The following PREX2 variants were observed in gnomAD, a reference collection of about 807,000 sequenced individuals.
PREX2 encodes the protein phosphatidylinositol 3,4,5-trisphosphate-dependent Rac exchanger 2 protein.
A neutral mutation model predicts 203.2 loss-of-function variants in PREX2; 107 were observed. The ratio of observed to expected loss-of-function variants is 0.53; its 90% CI spans 0.45 to 0.62. The LOEUF (loss-of-function observed/expected upper bound fraction) is 0.62. PREX2 is among the 20% of genes least tolerant of loss of function. The pLI, the probability that PREX2 is intolerant of heterozygous loss-of-function variation, is 0.00. For synonymous variants in PREX2, 672 were observed against 663.6 expected (o/e 1.01, Z -0.19); for missense variants, 1,777 against 1,955.9 (o/e 0.91, Z 1.72).
intron 7 of PREX2, among the ~76,000 whole-genome samples, chr8:68,044,268 A>C (rs1400281575): frequency 6.6e-6 from 1 of 152,088 alleles, no homozygotes; most frequent in Admixed American, 6.6e-5. Flanking sequence ...TTAAAACTTG[A>C]ATTTATTTTT....
At chr8:67,983,966 T>A (rs1331330108) in intron 1 of PREX2, among the ~76,000 whole-genome samples, 1 of 152,182 alleles carries the variant, frequency 6.6e-6, no homozygotes, top group Non-Finnish European at 1.5e-5. Context: ...CACATAGTAG[T>A]GCACATCAAT....
chr8:68,006,301 G>A (rs1250780118), intron 1 of PREX2, among the ~76,000 whole-genome samples: 1 of 152,168 alleles, frequency 6.6e-6, no homozygotes, highest in Non-Finnish European at 1.5e-5. Context: ...CCGCTGAGAT[G>A]CAGTATAACC....
intron 20 of PREX2, 147 bp from the exon 21 acceptor site, chr8:68,093,458 A>T (rs1009540103): frequency 2.2e-6 from 1 of 455,522 alleles, no homozygotes; most frequent in Non-Finnish European, 4.1e-6. Context: ...TTGAGTTTTT[A>T]TTAGTTTCTG....
intron 35 of PREX2, among the ~76,000 whole-genome samples, chr8:68,165,959 G>GTTT (rs1471567937): frequency 6.6e-6 from 1 of 152,208 alleles, no homozygotes; most frequent in African/African-American, 2.4e-5. Context: ...TATCTGCAAT[G>GTTT]TTTTAAAGCA....
intron 1 of PREX2, among the ~76,000 whole-genome samples, chr8:67,990,795 G>T (rs1030225451): frequency 2.0e-5 from 3 of 152,012 alleles, no homozygotes; most frequent in Non-Finnish European, 4.4e-5. Context: ...ACAGGCGTGA[G>T]CCACCGTGCC....
chr8:68,208,313 G>A (rs1812677737), intron 37 of PREX2, among the ~76,000 whole-genome samples: 1 of 152,030 alleles, frequency 6.6e-6, no homozygotes, highest in South Asian at 2.1e-4. Context: ...TAACTTGGAG[G>A]TTTATAACAT....
chr8:68,198,926 G>A (rs2129614843), intron 37 of PREX2, among the ~76,000 whole-genome samples: 1 of 152,328 alleles, frequency 6.6e-6, no homozygotes, highest in Non-Finnish European at 1.5e-5. Context: ...TGACTTGAGT[G>A]CAGGCCTCAT....
At chr8:68,034,488 A>G (rs1364452755) in intron 6 of PREX2, among the ~76,000 whole-genome samples, 1 of 152,174 alleles carries the variant, frequency 6.6e-6, no homozygotes, top group Non-Finnish European at 1.5e-5. Context: ...TAAGTCCTTG[A>G]TACGCTTGTT....
Position 68,083,399 on chromosome 8 carries a change from T to C in PREX2, c.2027+11T>C, listed in dbSNP as rs1250063946. On this transcript the variant is annotated intron_variant, in intron 18 of 39. Transcript: ENST00000288368. ...CACAAAGCCAAGAGAGTAAGTTGTA[T>C]GATTTATGTGTGATTTTTTAAAAGT... 1 of 1,576,376 alleles carries C rather than the reference T, an allele frequency of 6.3e-7. No individual in the cohort carries two copies. The highest frequency in any genetic ancestry group is 2.2e-5 in the East Asian group (1 of 44,484).
At chr8:68,016,309 G>A (rs1807408344) in intron 1 of PREX2, among the ~76,000 whole-genome samples, 3 of 151,870 alleles carry the variant, frequency 2.0e-5, no homozygotes, top group African/African-American at 7.3e-5. Context: ...ATATATGTAT[G>A]TATGTAGCAA....
intron 30 of PREX2, among the ~76,000 whole-genome samples, chr8:68,124,905 A>T (rs548113333): frequency 6.6e-6 from 1 of 151,962 alleles, no homozygotes; most frequent in South Asian, 2.1e-4. Context: ...TCTTATAGTC[A>T]ATGGTGTGGG....
chr8:68,060,714 T>C lies in PREX2; in HGVS notation c.1274T>C (p.Ile425Thr), dbSNP rs1228185704. Residue 425 changes from isoleucine (I) to threonine (T), a missense_variant, in exon 11 of 40, where the codon ATT becomes ACT. Physicochemically the swap from Ile to Thr is moderately conservative, Grantham distance 89. Transcript: ENST00000288368. ...TCATGGCTGTTGGAAATTGGAGAGA[T>C]TCACAGGCCTGAGGAAGGCGTGCAC... The part of the protein sequence containing the change: ...FVSWLLEIGE[I>T]HRPEEGVHLG... The C allele has an allele frequency of 1.2e-6, 2 of 1,612,974 alleles. No homozygotes were observed. Among genetic ancestry groups the C allele is most frequent in the South Asian group, 2.2e-5 (2 of 90,694 alleles).
chr8:68,005,829 G>A (rs1476866401), intron 1 of PREX2, among the ~76,000 whole-genome samples: 3 of 152,136 alleles, frequency 2.0e-5, no homozygotes, highest in African/African-American at 7.2e-5. Context: ...CAAGGAACTG[G>A]CCTTTCCATT....
intron 1 of PREX2, among the ~76,000 whole-genome samples, chr8:67,976,782 GAC>G (rs1806124626): frequency 7.3e-6 from 1 of 136,372 alleles, no homozygotes; most frequent in African/African-American, 2.6e-5. Flanking sequence ...CAGAGACAGA[GAC>G]AGAGCGAGAG....
intron 20 of PREX2, 40 bp from the exon 21 acceptor site, chr8:68,093,565 C>T (rs1454144313): frequency 5.3e-6 from 5 of 947,840 alleles, no homozygotes; most frequent in Non-Finnish European, 8.4e-6. Context: ...TTTTAGGAAG[C>T]ACTAATACCT....
rs1252134467 is a variant in PREX2 at position 68,146,341 on chromosome 8, T to C, written c.4220T>C (p.Leu1407Pro). ...GGAGGGTTTAAAATTCATCCTGTTC[T>C]TTTTGCACAAGGTAAACTGTTTCTC... ...NGGGFKIHPVLFAQALESMEG... is the reference protein window; with the variant it reads ...NGGGFKIHPVPFAQALESMEG... Residue 1407 changes from leucine (L) to proline (P), a missense_variant, in exon 34 of 40, where the codon CTT becomes CCT. Transcript: ENST00000288368. The C allele has an allele frequency of 6.2e-7, 1 of 1,612,030 alleles. No homozygotes were observed. The highest frequency in any genetic ancestry group is 1.3e-5 in the African/African-American group (1 of 74,852).
chr8:68,197,028 G>A (rs765873818), intron 37 of PREX2, among the ~76,000 whole-genome samples: 3 of 152,070 alleles, frequency 2.0e-5, no homozygotes, highest in African/African-American at 2.4e-5. Context: ...TGGCAGATTC[G>A]GTGTCTGGTG....
chr8:67,970,169 A>G (rs1805886103), intron 1 of PREX2, among the ~76,000 whole-genome samples: 1 of 152,198 alleles, frequency 6.6e-6, no homozygotes, highest in Non-Finnish European at 1.5e-5. Flanking sequence ...ATATTTGTGT[A>G]ACAGTTGTTG....
intron 34 of PREX2, among the ~76,000 whole-genome samples, chr8:68,151,523 G>C (rs1470280605): frequency 6.6e-6 from 1 of 152,060 alleles, no homozygotes; most frequent in African/African-American, 2.4e-5. Context: ...TGTTAAGCAC[G>C]GTCATTTCTG....
Sources: allele counts gnomAD v4.1 joint callset (sites outside exome capture counted in the v4.1 genomes callset), GRCh38; gene constraint gnomAD v4.1.1; transcripts MANE v1.5; gene names NCBI Gene and HGNC (gene_info 2026-07-23, HGNC 2026-07-21).